Variants in DNA2 observed in about 807,000 individuals in gnomAD.
DNA2 encodes DNA replication ATP-dependent helicase/nuclease DNA2.
DNA2 carries 101 observed loss-of-function variants against 119.1 expected under a neutral mutation model. That is an observed-to-expected ratio of 0.85 (90% confidence interval 0.72 to 1.00). DNA2 has a LOEUF of 1.00. DNA2 is among the 50% of genes least tolerant of loss of function. The pLI is 0.00. For missense variants in DNA2, 1,121 were observed against 1,255.5 expected (o/e 0.89, Z 1.62); for synonymous variants, 366 against 424.4 (o/e 0.86, Z 1.69).
At chr10:68,432,006 T>A in intron 12 of DNA2, 35 bp from the exon 13 acceptor site, 1 of 1,486,586 alleles carries the variant, frequency 6.7e-7, no homozygotes, top group Admixed American at 1.8e-5. Flanking sequence ...GGAAAAAGAG[T>A]GTTGAATTTC....
At chr10:68,426,963 TA>T (rs2051750301) in intron 14 of DNA2, among the ~76,000 whole-genome samples, 1 of 152,226 alleles carries the variant, frequency 6.6e-6, no homozygotes. Flanking sequence ...ATTAAAGGGC[TA>T]GTATTAGAAT....
intron 12 of DNA2, 73 bp downstream of exon 12, chr10:68,432,133 A>AAG (rs2051830443): frequency 5.1e-6 from 6 of 1,168,236 alleles, no homozygotes; most frequent in Non-Finnish European, 7.4e-6. Flanking sequence ...TCTAATCAAG[A>AAG]TATTAGACTA....
intron 5 of DNA2, among the ~76,000 whole-genome samples, chr10:68,455,719 GC>G (rs1290926219): frequency 2.6e-5 from 4 of 151,994 alleles, no homozygotes; most frequent in African/African-American, 4.8e-5. Flanking sequence ...TACTCAGGGG[GC>G]TGTGTCACAA....
chr10:68,460,521 C>A (rs1489641131), intron 4 of DNA2, among the ~76,000 whole-genome samples: 1 of 151,750 alleles, frequency 6.6e-6, no homozygotes, highest in African/African-American at 2.4e-5. Flanking sequence ...GATGCTCCTG[C>A]CTCAGTCCCC....
intron 14 of DNA2, 68 bp downstream of exon 14, chr10:68,430,368 A>G (rs908960225): frequency 1.1e-5 from 13 of 1,146,932 alleles, no homozygotes; most frequent in Admixed American, 2.3e-5. Context: ...TTCCCAGAGT[A>G]CAGTTTCTCC....
Position 68,442,921 on chromosome 10 carries a change from C to T in DNA2, c.1411G>A (p.Glu471Lys), listed in dbSNP as rs753996022. Residue 471 changes from glutamate (E) to lysine (K), a missense_variant, in exon 9 of 21, where the codon GAA becomes AAA. Glu to Lys is a moderately conservative substitution (Grantham distance 56, BLOSUM62 1). Coordinates refer to ENST00000358410, the MANE Select transcript of DNA2 (RefSeq NM_001080449.3). ...HQNIWLMPAS[E>K]MEKSGSCIGN... Reference sequence around the variant, plus strand: ...TGTACTAAATGGACCACTTACATTTCCGAAGCAGGCATTAGCCAGATATTT... The same window carrying T: ...TGTACTAAATGGACCACTTACATTTTCGAAGCAGGCATTAGCCAGATATTT... 1 of 1,608,750 alleles carries T rather than the reference C, an allele frequency of 6.2e-7. No homozygotes were observed. The highest frequency in any genetic ancestry group is 1.7e-5 in the Admixed American group (1 of 59,038).
At chr10:68,420,779 A>AAAAAAC (rs2051654269) in intron 17 of DNA2, among the ~76,000 whole-genome samples, 1 of 151,790 alleles carries the variant, frequency 6.6e-6, no homozygotes, top group East Asian at 1.9e-4. Context: ...ACTCCATCCT[A>AAAAAAC]AAAAACAAAA....
chr10:68,472,135 C>G (rs1220944028), upstream of DNA2: 1 of 1,415,088 alleles, frequency 7.1e-7, no homozygotes, highest in South Asian at 1.4e-5. Context: ...CTGAAGCAGA[C>G]TAAACGCTCC....
intron 5 of DNA2, among the ~76,000 whole-genome samples, chr10:68,457,691 G>GA (rs1352857330): frequency 9.4e-6 from 1 of 106,926 alleles, no homozygotes; most frequent in Non-Finnish European, 2.0e-5. Context: ...ATGAATAACA[G>GA]AAAAAAACAT....
chr10:68,418,406 C>T (rs909200473), intron 19 of DNA2, among the ~76,000 whole-genome samples: 3 of 143,810 alleles, frequency 2.1e-5, no homozygotes, highest in Non-Finnish European at 4.5e-5. Flanking sequence ...GAGGAAACGC[C>T]GTCTCAAAAA....
intron 14 of DNA2, among the ~76,000 whole-genome samples, chr10:68,425,603 G>A (rs560913788): frequency 1.3e-5 from 2 of 150,698 alleles, no homozygotes; most frequent in African/African-American, 2.4e-5. Context: ...GCGTTTCACC[G>A]TGTTAGCCAG....
At chr10:68,436,794 G>C in intron 10 of DNA2, 1 of 390,812 alleles carries the variant, frequency 2.6e-6, no homozygotes, top group Non-Finnish European at 4.5e-6. Context: ...GGGGAAATTG[G>C]AGGAAAATGA....
At chr10:68,434,844 A>T (rs2051867315) in intron 10 of DNA2, among the ~76,000 whole-genome samples, 1 of 151,836 alleles carries the variant, frequency 6.6e-6, no homozygotes, top group Non-Finnish European at 1.5e-5. Context: ...CTCAACTAAG[A>T]TTACTGATCA....
chr10:68,461,939 C>CAAAAAA (rs1284430516), intron 4 of DNA2, among the ~76,000 whole-genome samples: 1 of 145,692 alleles, frequency 6.9e-6, no homozygotes, highest in African/African-American at 2.5e-5. Flanking sequence ...CACCTTACCT[C>CAAAAAA]AAAAAAAATA....
At chr10:68,436,800 A>T (rs1398335647) in intron 10 of DNA2, 4 of 404,186 alleles carry the variant, frequency 9.9e-6, no homozygotes, top group Middle Eastern at 6.6e-4. Flanking sequence ...ATTGGAGGAA[A>T]ATGAAAAGTG....
Position 68,430,653 on chromosome 10 carries a change from A to C in DNA2, c.1991T>G (p.Ile664Ser). The C allele has an allele frequency of 6.4e-7, 1 of 1,573,612 alleles. No homozygotes were observed. Among genetic ancestry groups the C allele is most frequent in the Non-Finnish European group, 8.6e-7 (1 of 1,161,334 alleles). Residue 664 changes from isoleucine to serine, a missense_variant, in exon 14 of 21, where the codon ATT (isoleucine) becomes AGT (serine). By Grantham distance (142) the Ile-to-Ser change is moderately radical (BLOSUM62 -2). Coordinates refer to ENST00000358410, the MANE Select transcript of DNA2 (RefSeq NM_001080449.3). ...AACGCTAAAACCACAGGCGTAGAGA[A>C]TTCTTACCTAATAATGGGTAAGAGA... The part of the protein sequence containing the change: ...KTTTICTLVR[I>S]LYACGFSVLL...
intron 9 of DNA2, 60 bp from the exon 10 acceptor site, chr10:68,437,301 C>A (rs2051902767): frequency 1.5e-6 from 2 of 1,353,068 alleles, no homozygotes; most frequent in Non-Finnish European, 2.0e-6. Context: ...AGTATTGTGT[C>A]TGCATTTTCC....
At chr10:68,462,869 C>T (rs1003796721) in intron 4 of DNA2, among the ~76,000 whole-genome samples, 1 of 152,206 alleles carries the variant, frequency 6.6e-6, no homozygotes, top group African/African-American at 2.4e-5. Flanking sequence ...TGGCTCACAC[C>T]TATAATCCCA....
intron 5 of DNA2, among the ~76,000 whole-genome samples, chr10:68,450,661 G>C (rs1031682705): frequency 4.6e-5 from 7 of 152,002 alleles, no homozygotes; most frequent in African/African-American, 1.7e-4. Flanking sequence ...TATTTTCTCA[G>C]GCCTAGATTA....
Sources: allele counts gnomAD v4.1 joint callset (sites outside exome capture counted in the v4.1 genomes callset), GRCh38; gene constraint gnomAD v4.1.1; transcripts MANE v1.5; gene names NCBI Gene and HGNC (gene_info 2026-07-23, HGNC 2026-07-21).